The following SPTLC2 variants were observed in gnomAD, a reference collection of about 807,000 sequenced individuals.
The protein encoded by SPTLC2 is serine palmitoyltransferase long chain base subunit 2.
A neutral mutation model predicts 62.0 loss-of-function variants in SPTLC2; 21 were observed. That is an observed-to-expected ratio of 0.34 (90% CI 0.24 to 0.49). The LOEUF (loss-of-function observed/expected upper bound fraction) is 0.49, where lower values mean the gene tolerates loss of function less well. SPTLC2 is among the 20% of genes least tolerant of loss of function. SPTLC2 has a pLI of 0.99. For missense variants in SPTLC2, 511 were observed against 713.0 expected, an observed-to-expected ratio of 0.72 and a Z score of 3.23; for synonymous variants, 261 against 261.8, an observed-to-expected ratio of 1.00 and a Z score of 0.03.
At chr14:77,552,968 C>T (rs949574356) in intron 8 of SPTLC2, among the ~76,000 whole-genome samples, 1 of 152,006 alleles carries the variant, frequency 6.6e-6, no homozygotes, top group African/African-American at 2.4e-5. Flanking sequence ...CCCTAAATAA[C>T]AGTTCTCTAA....
chr14:77,581,206 T>C (rs78827872), intron 2 of SPTLC2, among the ~76,000 whole-genome samples: 6,122 of 152,286 alleles, frequency 0.04, 241 homozygotes, highest in Admixed American at 0.13. Flanking sequence ...GTCAAAAACA[T>C]TGAAAAAGCT....
At chr14:77,513,785 C>T (rs1786515358) in intron 11 of SPTLC2, among the ~76,000 whole-genome samples, 1 of 151,504 alleles carries the variant, frequency 6.6e-6, no homozygotes, top group African/African-American at 2.4e-5. Flanking sequence ...ATCCCAGCTA[C>T]TCGGGAGGCT....
At chr14:77,530,991 C>T (rs2079435744) in intron 9 of SPTLC2, among the ~76,000 whole-genome samples, 1 of 152,240 alleles carries the variant, frequency 6.6e-6, no homozygotes, top group Admixed American at 6.5e-5. Flanking sequence ...ACCGCCTCCG[C>T]CACATCACAC....
intron 1 of SPTLC2, among the ~76,000 whole-genome samples, chr14:77,600,789 AAAGG>A (rs2079873034): frequency 6.6e-6 from 1 of 152,186 alleles, no homozygotes; most frequent in African/African-American, 2.4e-5. Flanking sequence ...ATAAAAATGC[AAAGG>A]AAGAAATTTT....
chr14:77,523,202 T>G (rs2079393082), intron 9 of SPTLC2, among the ~76,000 whole-genome samples: 1 of 152,236 alleles, frequency 6.6e-6, no homozygotes, highest in Non-Finnish European at 1.5e-5. Context: ...AGATGAGACT[T>G]CTTCTGGCCA....
intron 2 of SPTLC2, among the ~76,000 whole-genome samples, chr14:77,580,891 C>A (rs2079746270): frequency 6.6e-6 from 1 of 152,172 alleles, no homozygotes; most frequent in African/African-American, 2.4e-5. Flanking sequence ...AAAATACATT[C>A]CCAAAATGAA....
intron 1 of SPTLC2, among the ~76,000 whole-genome samples, chr14:77,602,149 TTAG>T (rs2079881518): frequency 6.6e-6 from 1 of 152,132 alleles, no homozygotes; most frequent in African/African-American, 2.4e-5. Flanking sequence ...TCTCATCTAC[TTAG>T]GAGTTCTCAG....
At chr14:77,578,671 G>A in intron 3 of SPTLC2, 1 of 339,490 alleles carries the variant, frequency 2.9e-6, no homozygotes, top group Admixed American at 4.3e-5. Flanking sequence ...AGTGAGCTGA[G>A]ATCACGCCAC....
chr14:77,561,707 C>T (rs2079616098), intron 6 of SPTLC2, among the ~76,000 whole-genome samples: 1 of 151,672 alleles, frequency 6.6e-6, no homozygotes, highest in Admixed American at 6.6e-5. Context: ...AAAACAAAAA[C>T]AAAAACAAAA....
At chr14:77,557,758 T>C (rs1425121906) in intron 6 of SPTLC2, among the ~76,000 whole-genome samples, 4 of 152,168 alleles carry the variant, frequency 2.6e-5, no homozygotes, top group Non-Finnish European at 4.4e-5. Context: ...TCAGTTGAAA[T>C]TGTTCCATGT....
chr14:77,604,113 GC>G (rs2079892129), intron 1 of SPTLC2, among the ~76,000 whole-genome samples: 2 of 145,214 alleles, frequency 1.4e-5, no homozygotes, highest in Admixed American at 7.1e-5. Flanking sequence ...GCAGGGATGC[GC>G]CCCTGGTGGT....
intron 9 of SPTLC2, among the ~76,000 whole-genome samples, chr14:77,525,230 A>G (rs2079403176): frequency 6.6e-6 from 1 of 151,656 alleles, no homozygotes. Context: ...GGCTGTAGTG[A>G]GCTATGACTG....
rs1004351529 is a variant in SPTLC2 at position 77,508,745 on chromosome 14, A to G, written c.*3539T>C. On this transcript the variant is annotated 3_prime_UTR_variant, in exon 12 of 12. Coordinates refer to ENST00000216484, the MANE Select transcript of SPTLC2 (RefSeq NM_004863.4). Reference sequence around the variant, plus strand: ...GCAGGCTCCCTTAGGTAATGAAGAAATTTGAAAAAAAATTTTTTTTAAAAG... The same window carrying G: ...GCAGGCTCCCTTAGGTAATGAAGAAGTTTGAAAAAAAATTTTTTTTAAAAG... 1 of 152,150 alleles carries G rather than the reference A, an allele frequency of 6.6e-6. No homozygotes were observed. The highest frequency in any genetic ancestry group is 1.5e-5 in the Non-Finnish European group (1 of 68,028). 9.4% of individuals were successfully genotyped at this position (152,150 alleles called of 1,614,324 possible). A position where few individuals can be genotyped will look rare whatever the true frequency, so the allele number is the denominator to read the frequency against.
intron 5 of SPTLC2, among the ~76,000 whole-genome samples, chr14:77,566,045 ATCTT>A (rs1281416487): frequency 1.3e-5 from 2 of 152,304 alleles, no homozygotes; most frequent in Admixed American, 1.3e-4. Flanking sequence ...ATTCAACTCT[ATCTT>A]AAAAAGAACC....
intron 2 of SPTLC2, among the ~76,000 whole-genome samples, chr14:77,589,028 A>AAAAAAAAAAAAC (rs1566788868): frequency 8.4e-6 from 1 of 118,528 alleles, no homozygotes; most frequent in African/African-American, 3.3e-5. Flanking sequence ...AAAAAAAAAA[A>AAAAAAAAAAAAC]ACACACAAAG....
intron 1 of SPTLC2, among the ~76,000 whole-genome samples, chr14:77,600,829 A>T: frequency 6.6e-6 from 1 of 152,238 alleles, no homozygotes; most frequent in East Asian, 1.9e-4. Flanking sequence ...TAAGCACACC[A>T]TCATAAAACA....
At chr14:77,552,693 C>T (rs1441232832) in intron 8 of SPTLC2, among the ~76,000 whole-genome samples, 2 of 151,326 alleles carry the variant, frequency 1.3e-5, no homozygotes, top group Admixed American at 6.6e-5. Context: ...ATAATCCCAG[C>T]TACTTGGGAG....
intron 8 of SPTLC2, among the ~76,000 whole-genome samples, chr14:77,553,943 T>C (rs1238895497): frequency 1.3e-5 from 2 of 151,940 alleles, no homozygotes; most frequent in African/African-American, 2.4e-5. Flanking sequence ...GCCTCCCCCA[T>C]AGTTGGGACT....
chr14:77,555,164 T>G, intron 8 of SPTLC2, 136 bp downstream of exon 8: 1 of 879,298 alleles, frequency 1.1e-6, no homozygotes, highest in Non-Finnish European at 1.9e-6. Flanking sequence ...TTAGAGTCAC[T>G]CACTGGTATT....
Sources: allele counts gnomAD v4.1 joint callset (sites outside exome capture counted in the v4.1 genomes callset), GRCh38; gene constraint gnomAD v4.1.1; transcripts MANE v1.5; gene names NCBI Gene and HGNC (gene_info 2026-07-23, HGNC 2026-07-21).